The following MTFR1L variants were observed in gnomAD, a reference collection of about 807,000 sequenced individuals.
The protein encoded by MTFR1L is mitochondrial fission regulator 1 like, also known as mitochondrial fission regulator 1-like.
MTFR1L carries 10 observed loss-of-function variants against 27.9 expected under a neutral mutation model. That is an observed-to-expected ratio of 0.36 (90% CI 0.22 to 0.61). The LOEUF (loss-of-function observed/expected upper bound fraction) is 0.61. Among genes scored for constraint, MTFR1L ranks in the 20% least tolerant of loss-of-function variants. The probability of loss-of-function intolerance (pLI) is 0.73; values close to 1 mark genes in which losing one functional copy is unlikely to be tolerated. For synonymous variants in MTFR1L, 151 were observed against 139.4 expected (o/e 1.08, Z -0.58); for missense variants, 315 against 363.7 (o/e 0.87, Z 1.09).
chr1:25,831,858 T>G, intron 6 of MTFR1L, 63 bp from the exon 7 acceptor site: 1 of 1,316,324 alleles, frequency 7.6e-7, no homozygotes, highest in Non-Finnish European at 1.1e-6. Flanking sequence ...AGATAATGTA[T>G]TCAAAAGATA....
rs941034811 is a variant in MTFR1L, at chr1:25,832,352, C to G, written c.*326C>G. The stretch of plus-strand genomic sequence containing the variant: ...AAAATAGGTCCTAAATGACTGACTT[C>G]ACTGCATTAGACCCTATAGCTGGTC... On this transcript the variant is annotated 3_prime_UTR_variant, in exon 7 of 7. Coordinates refer to ENST00000374303, the MANE Select transcript of MTFR1L (RefSeq NM_001099625.2). The G allele has an allele frequency of 1.1e-5, 7 of 623,918 alleles. No individual in the cohort carries two copies. The African/African-American group carries it at 1.3e-4, about 11-fold the overall frequency. The allele number at this position is 623,918 out of a possible 1,614,324, so 38.6% of individuals were successfully genotyped here.
At chr1:25,827,576 A>G (rs1314129087) in intron 5 of MTFR1L, among the ~76,000 whole-genome samples, 3 of 148,396 alleles carry the variant, frequency 2.0e-5, no homozygotes, top group Non-Finnish European at 3.0e-5. Flanking sequence ...GAGTAGCTGG[A>G]ATTACGGGTG....
intron 6 of MTFR1L, among the ~76,000 whole-genome samples, 170 bp from the exon 7 acceptor site, chr1:25,831,751 G>A (rs1005357666): frequency 6.6e-6 from 1 of 152,190 alleles, no homozygotes; most frequent in Non-Finnish European, 1.5e-5. Context: ...TAGTGACCTT[G>A]GGCAACTTGT....
At chr1:25,820,678 G>C (rs1294213234) in intron 1 of MTFR1L, 1 of 429,154 alleles carries the variant, frequency 2.3e-6, no homozygotes, top group Middle Eastern at 3.4e-4. Context: ...ACCCACCGGT[G>C]CTGCCGGCGA....
chr1:25,825,876 C>T, intron 3 of MTFR1L: 1 of 167,288 alleles, frequency 6.0e-6, no homozygotes, highest in Non-Finnish European at 1.3e-5. Flanking sequence ...CTCTGTTGTC[C>T]ACGCTAGAGT....
At position 25,823,660 on chromosome 1, in the gene MTFR1L, A is replaced by C. The variant is rs1430905128; in HGVS notation, c.41A>C (p.Gln14Pro). 5 of 1,613,906 alleles carry C rather than the reference A, an allele frequency of 3.1e-6. No individual in the cohort carries two copies. In the South Asian group the frequency reaches 3.3e-5, roughly 11 times the overall value. The change falls in exon 3 of 7, where the codon CAA (glutamine) becomes CCA (proline). Residue 14 changes from glutamine to proline, a missense_variant. Gln to Pro is a moderately conservative substitution (Grantham distance 76). Coordinates refer to ENST00000374303, the MANE Select transcript of MTFR1L (RefSeq NM_001099625.2). ...MEATVTIPIWQNKPHGAARSV... is the reference protein window; with the variant it reads ...MEATVTIPIWPNKPHGAARSV... ...TTGCTCCAGACCATCCCAATCTGGC[A>C]AAACAAGCCACATGGGGCTGCTCGA...
chr1:25,821,302 C>T (rs1207409481), intron 1 of MTFR1L, among the ~76,000 whole-genome samples: 1 of 152,152 alleles, frequency 6.6e-6, no homozygotes, highest in South Asian at 2.1e-4. Context: ...CAGTAAGCAC[C>T]GTTAGTGCAA....
intron 5 of MTFR1L, among the ~76,000 whole-genome samples, chr1:25,828,354 G>A (rs867545232): frequency 6.6e-6 from 1 of 152,212 alleles, no homozygotes; most frequent in African/African-American, 2.4e-5. Context: ...AGGCTGAGGT[G>A]GGTGGATCAC....
intron 3 of MTFR1L, among the ~76,000 whole-genome samples, chr1:25,824,165 C>T (rs2048137330): frequency 2.0e-5 from 3 of 152,222 alleles, no homozygotes; most frequent in African/African-American, 7.2e-5. Flanking sequence ...CACAAGCCAC[C>T]ATGCCCAGCT....
chr1:25,827,048 T>C (rs996419432), intron 5 of MTFR1L, among the ~76,000 whole-genome samples: 5 of 152,172 alleles, frequency 3.3e-5, no homozygotes, highest in African/African-American at 1.2e-4. Flanking sequence ...TATTAACCTG[T>C]GACCCCAGGC....
At position 25,820,383 on chromosome 1, in the gene MTFR1L, A is replaced by AG. The variant is rs752031460; in HGVS notation, c.-87+356dup. 26 of 454,132 alleles carry AG rather than the reference A, an allele frequency of 5.7e-5. 1 individual carries two copies. Among genetic ancestry groups the AG allele is most frequent in the South Asian group, 2.3e-4 (15 of 64,432 alleles). 28.1% of individuals were successfully genotyped at this position (454,132 alleles called of 1,614,324 possible). ...CCTGTGGGTCCAAGGGCCGCTGGGCAGGCGGCGAGCACTTGGCCGACCTTG... is the reference window on the plus strand; with the variant it reads ...CCTGTGGGTCCAAGGGCCGCTGGGCAGGGCGGCGAGCACTTGGCCGACCTTG... On this transcript the variant is annotated intron_variant, in intron 1 of 6. Transcript: ENST00000374303.
chr1:25,823,255 A>G (rs763671022), intron 2 of MTFR1L, 127 bp downstream of exon 2: 14 of 994,546 alleles, frequency 1.4e-5, no homozygotes, highest in Admixed American at 5.5e-5. Flanking sequence ...GAATTGGAGC[A>G]AGGCCACCGT....
chr1:25,829,925 A>G lies in MTFR1L; in HGVS notation c.773+95A>G, dbSNP rs529493852. The G allele has an allele frequency of 6.0e-6, 7 of 1,167,524 alleles. No individual in the cohort carries two copies. The South Asian group carries it at 1.1e-4, about 19-fold the overall frequency. 72.3% of individuals were successfully genotyped at this position (1,167,524 alleles called of 1,614,324 possible). A position where few individuals can be genotyped will look rare whatever the true frequency, so the allele number is the denominator to read the frequency against. ...CATACTTACATAGTAAGTTCTTAGT[A>G]GTACCATATGTTATGTCATTCATAA... On this transcript the variant is annotated intron_variant, in intron 6 of 6. Coordinates refer to ENST00000374303, the MANE Select transcript of MTFR1L (RefSeq NM_001099625.2).
intron 6 of MTFR1L, among the ~76,000 whole-genome samples, chr1:25,831,332 A>G (rs768960331): frequency 2.4e-4 from 37 of 152,324 alleles, no homozygotes; most frequent in Non-Finnish European, 4.9e-4. Flanking sequence ...GATGTATCAG[A>G]TAACTTGGGC....
chr1:25,823,600 A>G (rs929852338), intron 2 of MTFR1L, 44 bp from the exon 3 acceptor site: 1 of 1,602,974 alleles, frequency 6.2e-7, no homozygotes, highest in Non-Finnish European at 8.5e-7. Context: ...CAGTAGTTGG[A>G]TTCATTCTCT....
rs374034054 is a variant in MTFR1L, at chr1:25,826,631, C to G, written c.256C>G (p.Leu86Val). Reference protein sequence around the residue: ...YARVRSDTRPLRHTWKPSPLI... With the variant: ...YARVRSDTRPVRHTWKPSPLI... The stretch of plus-strand genomic sequence containing the variant: ...CTGGTCCAGGAGTGATACGCGCCCC[C>G]TGAGGCACACCTGGAAACCCAGCCC... Residue 86 changes from leucine (L) to valine (V), a missense_variant, in exon 5 of 7, where the codon CTG (leucine) becomes GTG (valine). Leu to Val is a conservative substitution (Grantham distance 32). Coordinates refer to ENST00000374303, the MANE Select transcript of MTFR1L (RefSeq NM_001099625.2). This position sits in a 1 kb window ranked among gnomAD's most constrained non-coding sequence, Gnocchi z 4.1. The G allele has an allele frequency of 5.0e-6, 8 of 1,614,062 alleles. No individual in the cohort carries two copies. The highest frequency in any genetic ancestry group is 6.8e-6 in the Non-Finnish European group (8 of 1,180,034).
In MTFR1L at chr1:25,826,409, C is replaced by CTCCTCGGTTG; in HGVS notation, c.237_238insTCCTCGGTTG (p.Arg80SerfsTer6). The CTCCTCGGTTG allele has an allele frequency of 1.9e-6, 3 of 1,614,100 alleles. No homozygotes were observed. ...ATGAAGAGGAGACATATGCCCGGGT[C>CTCCTCGGTTG]AGGTAGTTGAGGCAGTAGCTGGTCT... On this transcript the variant is annotated frameshift_variant and splice_region_variant, in exon 4 of 7. Transcript: ENST00000374303. LOFTEE classifies it high-confidence loss of function. This position sits in a 1 kb window ranked among gnomAD's most constrained non-coding sequence, Gnocchi z 4.1.
Position 25,829,735 on chromosome 1 carries a change from AGAG to A in MTFR1L, c.681_683del (p.Glu227del). 1.2e-6 allele frequency: 2 copies of A among 1,613,832 alleles called. No homozygotes were observed. The highest frequency in any genetic ancestry group is 1.7e-6 in the Non-Finnish European group (2 of 1,180,036). ...ACAAAGCTGCCTGCAGTTCGTCTGA[AGAG>A]GATGACTGCGTCTCTTTGTCCAAGG... On this transcript the variant is annotated inframe_deletion, in exon 6 of 7. Transcript: ENST00000374303.
intron 1 of MTFR1L, chr1:25,820,577 C>T: frequency 2.6e-6 from 1 of 378,302 alleles, no homozygotes; most frequent in Non-Finnish European, 5.1e-6. Context: ...CAGGGCCCTG[C>T]GCTGGAGGAG....
Sources: allele counts gnomAD v4.1 joint callset (sites outside exome capture counted in the v4.1 genomes callset), GRCh38; gene constraint gnomAD v4.1.1; non-coding constraint Gnocchi (gnomAD v3.1); transcripts MANE v1.5; gene names NCBI Gene and HGNC (gene_info 2026-07-23, HGNC 2026-07-21).